Variants in NFXL1 observed in about 807,000 individuals in gnomAD.
NFXL1 encodes nuclear transcription factor, X-box binding like 1.
In NFXL1, 66 loss-of-function variants were observed where a neutral mutation model predicts 123.3. The ratio of observed to expected loss-of-function variants is 0.54; its 90% CI spans 0.44 to 0.66. NFXL1 has a LOEUF of 0.66. Among genes scored for constraint, NFXL1 ranks in the 30% least tolerant of loss-of-function variants. NFXL1 has a pLI of 0.00. For missense variants in NFXL1, 944 were observed against 1,125.6 expected (o/e 0.84, Z 2.31); for synonymous variants, 346 against 360.8 (o/e 0.96, Z 0.46).
Position 47,899,404 on chromosome 4 carries a change from A to G in NFXL1, c.792T>C (p.Pro264=), listed in dbSNP as rs763882104. Residue 264 remains proline, a synonymous_variant, in exon 6 of 23, where the codon CCT becomes CCC. Coordinates refer to ENST00000507489, the MANE Select transcript of NFXL1 (RefSeq NM_001278624.2). ...GQVCEREFKP[P]CGHKCLLLCH... ...AGAGGAGTAAACATTTATGGCCACAAGGAGGTTTAAATTCACGCTCACATA... is the reference window on the plus strand; with the variant it reads ...AGAGGAGTAAACATTTATGGCCACAGGGAGGTTTAAATTCACGCTCACATA... The G allele has an allele frequency of 5.6e-6, 9 of 1,613,848 alleles. No individual in the cohort carries two copies. In the Admixed American group the frequency reaches 1.5e-4, roughly 27 times the overall value.
chr4:47,905,166 C>T (rs556664446), intron 4 of NFXL1, 71 bp downstream of exon 4: 3 of 573,508 alleles, frequency 5.2e-6, no homozygotes, highest in South Asian at 2.7e-5. Flanking sequence ...AATAATAAAT[C>T]GTTAAGTATT....
At position 47,903,198 on chromosome 4, in the gene NFXL1, C is replaced by G; in HGVS notation, c.642G>C (p.Trp214Cys). Residue 214 changes from tryptophan to cysteine, a missense_variant, in exon 5 of 23, where the codon TGG (tryptophan) becomes TGC (cysteine). Trp to Cys is a radical substitution (Grantham distance 215). Coordinates refer to ENST00000507489, the MANE Select transcript of NFXL1 (RefSeq NM_001278624.2). ...DDDFGKKDCP[W>C]PCPKCRFEYK... The stretch of plus-strand genomic sequence containing the variant: ...AACTAATTAGAAAAAGTTACCAAGG[C>G]CAGGGACAATCTTTCTTTCCAAAAT... 1 of 1,581,040 alleles carries G rather than the reference C, an allele frequency of 6.3e-7. No individual in the cohort carries two copies. The highest frequency in any genetic ancestry group is 1.2e-5 in the South Asian group (1 of 85,878).
At chr4:47,896,410 T>C in intron 10 of NFXL1, 113 bp downstream of exon 10, 1 of 769,032 alleles carries the variant, frequency 1.3e-6, no homozygotes, top group South Asian at 1.9e-5. Flanking sequence ...TTCATATACA[T>C]CATGACACAG....
chr4:47,851,783 A>G (rs142352292), intron 21 of NFXL1, 73 bp downstream of exon 21: 286 of 937,514 alleles, frequency 3.1e-4, no homozygotes, highest in Admixed American at 4.4e-4. Flanking sequence ...GTTGTTTTTA[A>G]TAAGTACATA....
At chr4:47,855,019 C>G in intron 20 of NFXL1, 40 bp downstream of exon 20, 2 of 862,606 alleles carry the variant, frequency 2.3e-6, no homozygotes, top group Non-Finnish European at 1.8e-6. Context: ...ACAAAAACAA[C>G]TTATATAGAA....
At chr4:47,896,059 G>C (rs73814609) in intron 10 of NFXL1, among the ~76,000 whole-genome samples, 1 of 152,136 alleles carries the variant, frequency 6.6e-6, no homozygotes, top group Non-Finnish European at 1.5e-5. Flanking sequence ...CAGAACACAC[G>C]CACAACATTT....
intron 3 of NFXL1, among the ~76,000 whole-genome samples, chr4:47,905,579 TCA>T (rs775075830): frequency 1.3e-4 from 20 of 152,190 alleles, no homozygotes; most frequent in Non-Finnish European, 2.4e-4. Context: ...GCTCTCTCTC[TCA>T]GTTATACTTG....
At chr4:47,896,433 A>T in intron 10 of NFXL1, 90 bp downstream of exon 10, 1 of 999,640 alleles carries the variant, frequency 1.0e-6, no homozygotes, top group Non-Finnish European at 1.5e-6. Flanking sequence ...GTATATGAAA[A>T]TAAGTAATAG....
intron 21 of NFXL1, among the ~76,000 whole-genome samples, chr4:47,851,528 T>A (rs561955584): frequency 2.5e-4 from 38 of 152,222 alleles, no homozygotes; most frequent in Admixed American, 2.5e-3. Context: ...AAATTTATCT[T>A]AAATGTGCTA....
At chr4:47,898,399 C>A (rs1737216197) in intron 8 of NFXL1, among the ~76,000 whole-genome samples, 1 of 152,100 alleles carries the variant, frequency 6.6e-6, no homozygotes. Context: ...AATTCTAGGA[C>A]AAGCAACCTA....
At chr4:47,852,512 A>G (rs1291003561) in intron 20 of NFXL1, among the ~76,000 whole-genome samples, 1 of 152,110 alleles carries the variant, frequency 6.6e-6, no homozygotes, top group Non-Finnish European at 1.5e-5. Context: ...GCAGCTCTAG[A>G]GAGTTTTCTG....
At position 47,848,923 on chromosome 4, in the gene NFXL1, G is replaced by A. The variant is rs527296938; in HGVS notation, c.2563-587C>T. 2.5e-4 allele frequency among the ~76,000 whole-genome samples: 38 copies of A among 151,936 alleles called. 1 individual carries two copies. The South Asian group carries it at 6.7e-3, about 27-fold the overall frequency. ...AATAAATAAATAAATAAAATAAAAC[G>A]TCTTATTAAATCAGGATGCTCTAAA... On this transcript the variant is annotated intron_variant, in intron 22 of 22. Transcript: ENST00000507489.
intron 22 of NFXL1, among the ~76,000 whole-genome samples, chr4:47,849,419 T>C (rs1324093783): frequency 6.6e-6 from 1 of 152,158 alleles, no homozygotes; most frequent in Admixed American, 6.5e-5. Context: ...AATATATATG[T>C]ATTTAATAAT....
At position 47,898,984 on chromosome 4, in the gene NFXL1, AT is replaced by A; in HGVS notation, c.962del (p.His321LeufsTer29). 6.2e-7 allele frequency: 1 copy of A among 1,614,104 alleles called. No homozygotes were observed. Among genetic ancestry groups the A allele is most frequent in the Non-Finnish European group, 8.5e-7 (1 of 1,180,002 alleles). On this transcript the variant is annotated frameshift_variant, in exon 7 of 23. Coordinates refer to ENST00000507489, the MANE Select transcript of NFXL1 (RefSeq NM_001278624.2). LOFTEE classifies it high-confidence loss of function. ...CTGCATGACAAGGATTTTCACACTT[AT>A]GTTGCCCACAAAGCAACTTCTGTCC... ...PCGQKLLCGQ[H>X]KCENPCHAGS...
At chr4:47,908,977 C>T (rs1012106386) in intron 3 of NFXL1, among the ~76,000 whole-genome samples, 1 of 133,264 alleles carries the variant, frequency 7.5e-6, no homozygotes, top group South Asian at 2.4e-4. Context: ...AAAAAAGAAA[C>T]AAATTTTTTA....
At chr4:47,905,418 A>G in intron 3 of NFXL1, 72 bp from the exon 4 acceptor site, 1 of 729,690 alleles carries the variant, frequency 1.4e-6, no homozygotes, top group Non-Finnish European at 2.5e-6. Flanking sequence ...TAATAGCACC[A>G]TATTATGTAA....
At position 47,907,454 on chromosome 4, in the gene NFXL1, G is replaced by A. The variant is rs559887202; in HGVS notation, c.407-2108C>T. On this transcript the variant is annotated intron_variant, in intron 3 of 22. Coordinates refer to ENST00000507489, the MANE Select transcript of NFXL1 (RefSeq NM_001278624.2). ...GATAGAGATACTCATCAGGAAGTTG[G>A]CCATGCAAGTTTGAAATTTGAGAGA... Among the ~76,000 whole-genome samples the A allele has an allele frequency of 9.8e-5, 15 of 152,300 alleles. No individual in the cohort carries two copies. The South Asian group carries it at 2.9e-3, about 29-fold the overall frequency.
At chr4:47,902,221 T>C (rs1737385233) in intron 5 of NFXL1, among the ~76,000 whole-genome samples, 1 of 151,892 alleles carries the variant, frequency 6.6e-6, no homozygotes, top group African/African-American at 2.4e-5. Flanking sequence ...AATTTAAACA[T>C]AAAATTAGTT....
intron 11 of NFXL1, among the ~76,000 whole-genome samples, chr4:47,893,206 A>T (rs1053999050): frequency 2.0e-5 from 3 of 152,116 alleles, no homozygotes; most frequent in Non-Finnish European, 4.4e-5. Context: ...GAACTTGGAA[A>T]TTCAAGCAGC....
Sources: gnomAD v4.1 joint callset for allele counts (sites outside exome capture counted in the v4.1 genomes callset) on GRCh38, gnomAD v4.1.1 for gene constraint, MANE v1.5 for transcripts, NCBI Gene and HGNC (gene_info 2026-07-23, HGNC 2026-07-21) for gene names.